The following DIAPH2 variants were observed in gnomAD, a reference collection of about 807,000 sequenced individuals.
The protein encoded by DIAPH2 is protein diaphanous homolog 2.
In DIAPH2, 35 loss-of-function variants were observed where a neutral mutation model predicts 92.7. That is an observed-to-expected ratio of 0.38 (90% confidence interval 0.29 to 0.50). The LOEUF (loss-of-function observed/expected upper bound fraction) is 0.50, where lower values mean the gene tolerates loss of function less well. Among genes scored for constraint, DIAPH2 ranks in the 20% least tolerant of loss-of-function variants. The pLI is 0.94. For missense variants in DIAPH2, 701 were observed against 819.5 expected (o/e 0.86, Z 1.77); for synonymous variants, 301 against 280.4 (o/e 1.07, Z -0.73).
At chrX:96,864,744 A>C (rs1056001597) in intron 4 of DIAPH2, among the ~76,000 whole-genome samples, 1 of 111,841 alleles carries the variant, frequency 8.9e-6, no homozygotes, top group Non-Finnish European at 1.9e-5. Context: ...CCTGGACTGC[A>C]TTTTAGGACA....
intron 22 of DIAPH2, among the ~76,000 whole-genome samples, chrX:97,184,130 T>C (rs942894201): frequency 1.8e-5 from 2 of 112,303 alleles, no homozygotes; most frequent in African/African-American, 6.5e-5. Context: ...AGTTTCTCTA[T>C]TTAATTGTCT....
chrX:96,964,446 T>C (rs1372244414), intron 16 of DIAPH2, among the ~76,000 whole-genome samples: 3 of 111,263 alleles, frequency 2.7e-5, no homozygotes, highest in Non-Finnish European at 3.8e-5. Context: ...TCATGGTGTA[T>C]TGGAAGATAA....
chrX:97,100,601 G>A (rs1041242827), intron 20 of DIAPH2, among the ~76,000 whole-genome samples: 1 of 112,001 alleles, frequency 8.9e-6, no homozygotes, highest in East Asian at 2.8e-4. Context: ...TTTGTTTGCT[G>A]TATGAATAAA....
chrX:97,441,954 A>G (rs1257441705), intron 26 of DIAPH2: 1 of 113,241 alleles, frequency 8.8e-6, no homozygotes, highest in Non-Finnish European at 1.9e-5. Context: ...TTCCTTGACA[A>G]TTAGAGAACA....
At chrX:96,896,170 T>C (rs1018016505) in intron 5 of DIAPH2, among the ~76,000 whole-genome samples, 4 of 111,541 alleles carry the variant, frequency 3.6e-5, no homozygotes, top group Non-Finnish European at 7.5e-5. Flanking sequence ...GTTTTTATTA[T>C]CTAAAGTATC....
intron 19 of DIAPH2, among the ~76,000 whole-genome samples, chrX:97,090,424 C>A (rs598402): frequency 0.36 from 37,216 of 103,566 alleles, 4,926 homozygotes; most frequent in African/African-American, 0.42. Context: ...GGGCCTAATG[C>A]CCAGGTGCCC....
At chrX:97,213,641 A>G (rs1236847837) in intron 22 of DIAPH2, among the ~76,000 whole-genome samples, 3 of 112,325 alleles carry the variant, frequency 2.7e-5, no homozygotes, top group Non-Finnish European at 5.6e-5. Flanking sequence ...AAATATTAGT[A>G]AAGGGCTGAA....
chrX:97,208,419 T>C (rs772554453), intron 22 of DIAPH2, among the ~76,000 whole-genome samples: 1 of 112,146 alleles, frequency 8.9e-6, no homozygotes, highest in South Asian at 3.7e-4. Context: ...GCAATTTAGA[T>C]TGTAAGAATA....
chrX:97,552,613 T>C (rs1339936268), intron 26 of DIAPH2, among the ~76,000 whole-genome samples: 2 of 108,979 alleles, frequency 1.8e-5, no homozygotes, highest in East Asian at 5.7e-4. Flanking sequence ...CAAAAATAAA[T>C]GGCTAGGTAG....
chrX:97,205,804 G>A (rs1310446158), intron 22 of DIAPH2, among the ~76,000 whole-genome samples: 1 of 111,389 alleles, frequency 9.0e-6, no homozygotes, highest in African/African-American at 3.3e-5. Context: ...TCATTACTGG[G>A]TATACACCCA....
chrX:97,244,083 G>A (rs1236475236), intron 22 of DIAPH2, among the ~76,000 whole-genome samples: 4 of 111,776 alleles, frequency 3.6e-5, no homozygotes, highest in African/African-American at 9.7e-5. Flanking sequence ...ATAGGTCGAA[G>A]ATCACTTAAA....
At chrX:97,262,481 C>T (rs777798766) in intron 23 of DIAPH2, among the ~76,000 whole-genome samples, 5 of 111,849 alleles carry the variant, frequency 4.5e-5, no homozygotes, top group Admixed American at 9.5e-5. Context: ...TGAGGGAGAA[C>T]GTAGAAGGAG....
intron 21 of DIAPH2, among the ~76,000 whole-genome samples, chrX:97,141,304 T>C (rs1370040418): frequency 9.0e-6 from 1 of 111,484 alleles, no homozygotes; most frequent in Non-Finnish European, 1.9e-5. Context: ...AGAACATATT[T>C]TTGTAATAAA....
chrX:97,048,215 C>T (rs1311278880), intron 17 of DIAPH2, among the ~76,000 whole-genome samples: 1 of 111,111 alleles, frequency 9.0e-6, no homozygotes, highest in Non-Finnish European at 1.9e-5. Flanking sequence ...ACCCTCTTCC[C>T]TCTCTTTTCC....
chrX:97,261,449 A>AT (rs1300735167), intron 23 of DIAPH2, among the ~76,000 whole-genome samples: 2 of 112,076 alleles, frequency 1.8e-5, no homozygotes, highest in African/African-American at 6.5e-5. Flanking sequence ...CTGATTCTTC[A>AT]TTTTTTTCTT....
chrX:97,102,889 G>A (rs1311364362), intron 20 of DIAPH2, among the ~76,000 whole-genome samples: 1 of 111,212 alleles, frequency 9.0e-6, no homozygotes, highest in Non-Finnish European at 1.9e-5. Flanking sequence ...GCAGTGAGCT[G>A]ACATCAGGCC....
intron 23 of DIAPH2, among the ~76,000 whole-genome samples, chrX:97,250,416 A>G (rs147154433): frequency 1.8e-5 from 2 of 112,229 alleles, no homozygotes; most frequent in East Asian, 5.6e-4. Context: ...AGGGCAACTG[A>G]ATATGCAGGT....
chrX:96,825,310 A>C (rs2064807079), intron 4 of DIAPH2, among the ~76,000 whole-genome samples: 1 of 106,454 alleles, frequency 9.4e-6, no homozygotes, highest in Admixed American at 1.0e-4. Context: ...AATTTGAAAA[A>C]CTTGAAATAT....
intron 26 of DIAPH2, among the ~76,000 whole-genome samples, chrX:97,509,614 C>T (rs1602636775): frequency 1.9e-5 from 2 of 104,377 alleles, no homozygotes; most frequent in Admixed American, 1.0e-4. Flanking sequence ...CCCATTAACT[C>T]GTCATTTAGC....
Sources: allele counts gnomAD v4.1 joint callset (sites outside exome capture counted in the v4.1 genomes callset), GRCh38; gene constraint gnomAD v4.1.1; transcripts MANE v1.5; gene names NCBI Gene and HGNC (gene_info 2026-07-23, HGNC 2026-07-21).